PLEC: variants seen among roughly 807,000 people sequenced by gnomAD.
PLEC encodes the protein hemidesmosomal protein 1.
PLEC carries 216 observed loss-of-function variants against 392.8 expected under a neutral mutation model. That is an observed-to-expected ratio of 0.55 (90% CI 0.49 to 0.62). The LOEUF (loss-of-function observed/expected upper bound fraction) is 0.62. Ranked by LOEUF, PLEC falls within the 20% of genes least tolerant of loss-of-function variation. The pLI is 0.00. For synonymous variants in PLEC, 3,621 were observed against 2,980.6 expected (o/e 1.21, Z -7.00); for missense variants, 6,863 against 6,563.4 (o/e 1.05, Z -1.58).
At chr8:143,953,645 C>T (rs1419291057), upstream of PLEC, 1 of 1,463,608 alleles carries the variant, frequency 6.8e-7, no homozygotes, top group Non-Finnish European at 9.4e-7. Context: ...ACCCTGCCCG[C>T]CACCCTGCGT....
rs377039110 is a variant in PLEC, at chr8:143,932,499, A to T, written c.1878T>A (p.Thr626=). The T allele has an allele frequency of 1.3e-4, 211 of 1,610,916 alleles. No individual in the cohort carries two copies. In the African/African-American group the frequency reaches 2.4e-3, roughly 18 times the overall value. Residue 626 remains threonine, a synonymous_variant, in exon 16 of 32, where the codon ACT becomes ACA. Transcript: ENST00000345136. ...TCTCATTCAGCCACATTAGCTCCTT[A>T]GTGGCGGCTGCCACAAAGCTGTGCA... ...ESLHSFVAAA[T]KELMWLNEKE... is the part of the protein sequence containing the mutation.
In PLEC at chr8:143,916,672, G is replaced by A. The variant is rs199719299; in HGVS notation, c.13149C>T (p.Ala4383=). The A allele has an allele frequency of 3.0e-4, 489 of 1,611,524 alleles. 4 individuals are homozygous for A. The highest frequency in any genetic ancestry group is 1.1e-4 in the South Asian group (10 of 91,054). ...ALKKGWLYYE[A]GQRFLEVQYL... The stretch of plus-strand genomic sequence containing the variant: ...ACTGCACCTCCAGGAAGCGCTGGCC[G>A]GCCTCGTAGTAGAGCCAGCCCTTCT... The change falls in exon 32 of 32, where the codon GCC becomes GCT. Residue 4383 remains alanine (A), a synonymous_variant. Transcript: ENST00000345136.
rs782052683 is a variant in PLEC at position 143,925,155 on chromosome 8, G to A, written c.4774C>T (p.Leu1592=). 4.5e-6 allele frequency: 7 copies of A among 1,559,328 alleles called. No homozygotes were observed. Among genetic ancestry groups the A allele is most frequent in the East Asian group, 4.7e-5 (2 of 42,216 alleles). The change falls in exon 31 of 32, where the codon CTG becomes TTG. Residue 1592 remains leucine (L), a synonymous_variant. Transcript: ENST00000345136. ...TGTTCCTCCTGCAGGGAGCGCTCCA[G>A]CTGTGCCGTCTTCTCGGCGAAGGAG... The part of the protein sequence containing the change: ...RASFAEKTAQ[L]ERSLQEEHVA...
At chr8:143,944,613 G>T in intron 1 of PLEC, 1 of 1,281,460 alleles carries the variant, frequency 7.8e-7, no homozygotes. Flanking sequence ...CAAGGGGCCA[G>T]GATTTCACAA....
chr8:143,941,976 A>C (rs1554728957), upstream of PLEC, among the ~76,000 whole-genome samples: 2 of 152,118 alleles, frequency 1.3e-5, no homozygotes, highest in East Asian at 3.9e-4. Flanking sequence ...TCCCGCAGCT[A>C]GTGGAGACGG....
chr8:143,925,354 G>T lies in PLEC; in HGVS notation c.4575C>A (p.Ala1525=), dbSNP rs782624380. 15 of 1,551,038 alleles carry T rather than the reference G, an allele frequency of 9.7e-6. No individual in the cohort carries two copies. Among genetic ancestry groups the T allele is most frequent in the African/African-American group, 1.4e-5 (1 of 73,084 alleles). Reference sequence around the variant, plus strand: ...CCCGCTGCTTCTCGCGCGCCGCCTCGGCCTCGGCCTTCACGCGCGAGGCCA... The same window carrying T: ...CCCGCTGCTTCTCGCGCGCCGCCTCTGCCTCGGCCTTCACGCGCGAGGCCA... ...VELASRVKAE[A]EAAREKQRAL... Residue 1525 remains alanine (A), a synonymous_variant, in exon 31 of 32, where the codon GCC becomes GCA. Transcript: ENST00000345136.
At position 143,931,561 on chromosome 8, in the gene PLEC, C is replaced by A; in HGVS notation, c.2277G>T (p.Arg759=). 2 of 1,595,480 alleles carry A rather than the reference C, an allele frequency of 1.3e-6. No individual in the cohort carries two copies. Among genetic ancestry groups the A allele is most frequent in the Middle Eastern group, 1.7e-4 (1 of 5,992 alleles). ...YSCDRSATVT[R]LEDLLQDAQD... is the part of the protein sequence containing the mutation. ...GGGCATCCTGCAGCAGGTCCTCCAG[C>A]CGGGTGACGGTGGCGGAGCGATCAC... Residue 759 remains arginine (R), a synonymous_variant, in exon 19 of 32, where the codon CGG becomes CGT. Transcript: ENST00000345136.
rs781835064 is a variant in PLEC at position 143,919,082 on chromosome 8, TGGCTGCCGCCGC to T, written c.10727_10738del (p.Gly3576_His3580delinsAsp). ...CCACAGGGACATGGTGGAGCCGCCG[TGGCTGCCGCCGC>T]CGGGAATGTCGATCTGTGTCTCTTC... On this transcript the variant is annotated inframe_deletion, in exon 32 of 32. Coordinates refer to ENST00000345136, the MANE Select transcript of PLEC (RefSeq NM_201384.3). 5 of 1,611,748 alleles carry T rather than the reference TGGCTGCCGCCGC, an allele frequency of 3.1e-6. No individual in the cohort carries two copies. The highest frequency in any genetic ancestry group is 4.2e-6 in the Non-Finnish European group (5 of 1,180,014).
chr8:143,916,861 G>A lies in PLEC; in HGVS notation c.12960C>T (p.Gly4320=), dbSNP rs782662384. Reference sequence around the variant, plus strand: ...GCTCACCGGTGCTGGGGTCGATGATGCCCCCGGTGCAGGCCTGCGCCTCCA... The same window carrying A: ...GCTCACCGGTGCTGGGGTCGATGATACCCCCGGTGCAGGCCTGCGCCTCCA... ...RLLEAQACTG[G]IIDPSTGERF... Residue 4320 remains glycine (G), a synonymous_variant, in exon 32 of 32, where the codon GGC becomes GGT. Coordinates refer to ENST00000345136, the MANE Select transcript of PLEC (RefSeq NM_201384.3). 6.2e-6 allele frequency: 10 copies of A among 1,612,148 alleles called. No individual in the cohort carries two copies. The highest frequency in any genetic ancestry group is 1.3e-5 in the African/African-American group (1 of 74,856).
chr8:143,937,690 G>A (rs775494174), intron 3 of PLEC: 33 of 488,126 alleles, frequency 6.8e-5, no homozygotes, highest in East Asian at 1.2e-4. Flanking sequence ...CCAGAAAGCC[G>A]GGCTCCACGG....
intron 30 of PLEC, 32 bp downstream of exon 30, chr8:143,926,752 C>A (rs781855652): frequency 1.9e-6 from 3 of 1,560,582 alleles, no homozygotes; most frequent in Non-Finnish European, 2.7e-6. Context: ...GAGATGGAAC[C>A]CTCTGCCCAG....
intron 12 of PLEC, among the ~76,000 whole-genome samples, chr8:143,933,671 G>A (rs1187005631): frequency 6.6e-6 from 1 of 152,182 alleles, no homozygotes; most frequent in Non-Finnish European, 1.5e-5. Context: ...TGTCCTCCTG[G>A]GCAATCAGCA....
rs782259278 is a variant in PLEC at position 143,917,066 on chromosome 8, G to A, written c.12755C>T (p.Ser4252Phe). ...GGGGCTGATGGGGTAGGAGGAGGAG[G>A]ATCCCACCGAGGAGGAACGGGAGCG... ...GFRSRSSSVG[S>F]SSSYPISPAV... Residue 4252 changes from serine (S) to phenylalanine (F), a missense_variant, in exon 32 of 32, where the codon TCC (serine) becomes TTC (phenylalanine). Ser to Phe is a radical substitution (Grantham distance 155). Coordinates refer to ENST00000345136, the MANE Select transcript of PLEC (RefSeq NM_201384.3). The A allele has an allele frequency of 3.7e-6, 6 of 1,607,320 alleles. No individual in the cohort carries two copies. The African/African-American group carries it at 8.0e-5, about 21-fold the overall frequency.
At chr8:143,950,329 T>C in exon 1 of PLEC, 1 of 1,576,652 alleles carries the variant, frequency 6.3e-7, no homozygotes, top group Non-Finnish European at 8.6e-7. Context: ...CCCGCTTGGG[T>C]GGGGAGCCCA....
At chr8:143,975,003 C>A (rs1028896032), upstream of PLEC, among the ~76,000 whole-genome samples, 1 of 152,196 alleles carries the variant, frequency 6.6e-6, no homozygotes, top group Non-Finnish European at 1.5e-5. The surrounding 1 kb of genome is among the most constrained non-coding windows in gnomAD (Gnocchi z 9.9). Context: ...TGGGCGCGGC[C>A]GGCAGGTGGC....
rs1370024622 is a variant in PLEC, at chr8:143,930,502, T to C, written c.2339A>G (p.His780Arg). 2 of 1,596,230 alleles carry C rather than the reference T, an allele frequency of 1.3e-6. No homozygotes were observed. Among genetic ancestry groups the C allele is most frequent in the African/African-American group, 2.7e-5 (2 of 74,440 alleles). The change falls in exon 20 of 32, where the codon CAC becomes CGC. Residue 780 changes from histidine (H) to arginine (R), a missense_variant. Transcript: ENST00000345136. Reference protein sequence around the residue: ...EKEQLNEYKGHLSGLAKRAKA... With the variant: ...EKEQLNEYKGRLSGLAKRAKA... Reference sequence around the variant, plus strand: ...GGCCCGCTTGGCCAGGCCTGAGAGGTGGCCCTTGTACTCGTTCAGCTGTTC... The same window carrying C: ...GGCCCGCTTGGCCAGGCCTGAGAGGCGGCCCTTGTACTCGTTCAGCTGTTC...
At chr8:143,952,242 G>C (rs1832265153), upstream of PLEC, among the ~76,000 whole-genome samples, 1 of 151,776 alleles carries the variant, frequency 6.6e-6, no homozygotes, top group Admixed American at 6.6e-5. Flanking sequence ...GCGCACGCCT[G>C]CGTACACAGA....
chr8:143,949,854 C>G (rs782212583), intron 1 of PLEC, among the ~76,000 whole-genome samples: 15 of 152,212 alleles, frequency 9.9e-5, no homozygotes, highest in Non-Finnish European at 2.1e-4. Context: ...TCGGGGAAGA[C>G]AGGTCACTGG....
chr8:143,922,751 C>T lies in PLEC; in HGVS notation c.7178G>A (p.Ser2393Asn). 1 of 1,609,394 alleles carries T rather than the reference C, an allele frequency of 6.2e-7. No homozygotes were observed. The highest frequency in any genetic ancestry group is 8.5e-7 in the Non-Finnish European group (1 of 1,179,352). Residue 2393 changes from serine (S) to asparagine (N), a missense_variant, in exon 31 of 32, where the codon AGC (serine) becomes AAC (asparagine). Coordinates refer to ENST00000345136, the MANE Select transcript of PLEC (RefSeq NM_201384.3). ...ERLKLRVAEM[S>N]RAQARAEEDA... ...CTCCTCAGCGCGGGCCTGGGCTCGGCTCATCTCGGCCACACGCAGCTTGAG... is the reference window on the plus strand; with the variant it reads ...CTCCTCAGCGCGGGCCTGGGCTCGGTTCATCTCGGCCACACGCAGCTTGAG...
Sources: allele counts gnomAD v4.1 joint callset (sites outside exome capture counted in the v4.1 genomes callset), GRCh38; gene constraint gnomAD v4.1.1; non-coding constraint Gnocchi (gnomAD v3.1); transcripts MANE v1.5; gene names NCBI Gene and HGNC (gene_info 2026-07-23, HGNC 2026-07-21).